The following OPLAH variants were observed in gnomAD, a reference collection of about 807,000 sequenced individuals.
OPLAH encodes the protein 5-oxoprolinase.
OPLAH carries 103 observed loss-of-function variants against 122.8 expected under a neutral mutation model. That is an observed-to-expected ratio of 0.84 (90% CI 0.71 to 0.99). The LOEUF (loss-of-function observed/expected upper bound fraction) is 0.99. Ranked by LOEUF, OPLAH falls within the 50% of genes least tolerant of loss-of-function variation. The pLI is 0.00. For synonymous variants in OPLAH, 875 were observed against 796.0 expected (o/e 1.10, Z -1.67); for missense variants, 1,902 against 1,836.5 (o/e 1.04, Z -0.65).
chr8:144,059,001 C>T lies in OPLAH; in HGVS notation c.442G>A (p.Gly148Ser). 1 of 1,575,784 alleles carries T rather than the reference C, an allele frequency of 6.3e-7. No individual in the cohort carries two copies. Among genetic ancestry groups the T allele is most frequent in the East Asian group, 2.4e-5 (1 of 42,270 alleles). ...ACACCTTTCACAGGCGTCCCGGTGC[C>T]CGCCTCTCCACGGTGCAGCACCACG... Reference protein sequence around the residue: ...ERVVLHRGEAGTGTPVKGRTG... With the variant: ...ERVVLHRGEASTGTPVKGRTG... The change falls in exon 4 of 27, where the codon GGC becomes AGC. Residue 148 changes from glycine (G) to serine (S), a missense_variant. By Grantham distance (56) the Gly-to-Ser change is moderately conservative. Transcript: ENST00000618853.
chr8:144,050,841 C>T, downstream of OPLAH: 4 of 991,774 alleles, frequency 4.0e-6, no homozygotes, highest in Non-Finnish European at 4.8e-6. Flanking sequence ...TGGCCTCCTC[C>T]CCCAAGATGC....
chr8:144,055,321 G>A lies in OPLAH; in HGVS notation c.2249-132C>T, dbSNP rs539362988. ...AACCCAGCAGCTTTTTCCTGGGGAA[G>A]ACCAAGTTGACGGTGTGCCCACTTG... On this transcript the variant is annotated intron_variant, in intron 16 of 26. Coordinates refer to ENST00000618853, the MANE Select transcript of OPLAH (RefSeq NM_017570.5). This position sits in a 1 kb window ranked among gnomAD's most constrained non-coding sequence, Gnocchi z 6.5. The A allele has an allele frequency of 1.5e-4, 144 of 943,994 alleles. No homozygotes were observed. Among genetic ancestry groups the A allele is most frequent in the Non-Finnish European group, 1.6e-4 (112 of 682,322 alleles). 58.5% of individuals were successfully genotyped at this position (943,994 alleles called of 1,614,324 possible).
Position 144,055,627 on chromosome 8 carries a change from G to A in OPLAH, c.2248+161C>T, listed in dbSNP as rs1444188817. Among the ~76,000 whole-genome samples, 1 of 152,128 alleles carries A rather than the reference G, an allele frequency of 6.6e-6. No individual in the cohort carries two copies. The highest frequency in any genetic ancestry group is 2.4e-5 in the African/African-American group (1 of 41,416). On this transcript the variant is annotated intron_variant, in intron 16 of 26. Transcript: ENST00000618853. This position sits in a 1 kb window ranked among gnomAD's most constrained non-coding sequence, Gnocchi z 6.5. ...AAGGTGTCCTCCCTGCCCAAGGTTTGTTCTCATGGCCAACTGCACCACACC... is the reference window on the plus strand; with the variant it reads ...AAGGTGTCCTCCCTGCCCAAGGTTTATTCTCATGGCCAACTGCACCACACC...
chr8:144,059,643 G>C lies in OPLAH; in HGVS notation c.319C>G (p.Leu107Val). 6.2e-7 allele frequency: 1 copy of C among 1,612,466 alleles called. No individual in the cohort carries two copies. Among genetic ancestry groups the C allele is most frequent in the Non-Finnish European group, 8.5e-7 (1 of 1,179,654 alleles). The change falls in exon 3 of 27, where the codon CTG becomes GTG. Residue 107 changes from leucine to valine, a missense_variant. Coordinates refer to ENST00000618853, the MANE Select transcript of OPLAH (RefSeq NM_017570.5). ...CGGGCTTGGGTGCCAATGTGCAGCA[G>C]GTCTCGGAAGCCACGTGTCACCAGC... is the stretch of plus-strand genomic sequence containing the variant. ...ALLVTRGFRD[L>V]LHIGTQARGD...
intron 19 of OPLAH, 38 bp from the exon 20 acceptor site, chr8:144,053,431 C>G (rs1258529951): frequency 6.4e-7 from 1 of 1,554,446 alleles, no homozygotes; most frequent in Non-Finnish European, 8.7e-7. Context: ...CCTGGCCAAC[C>G]CTGTCTGCAC....
upstream of OPLAH, among the ~76,000 whole-genome samples, chr8:144,061,652 G>T (rs1044193395): frequency 6.6e-6 from 1 of 152,238 alleles, no homozygotes; most frequent in Admixed American, 6.5e-5. Flanking sequence ...ACGGCACGAA[G>T]TTACCCTATA....
chr8:144,059,127 G>A, intron 3 of OPLAH, 48 bp from the exon 4 acceptor site: 2 of 1,465,818 alleles, frequency 1.4e-6, no homozygotes, highest in South Asian at 1.2e-5. Context: ...GAGGGTCCAG[G>A]CCGGGGTCCT....
chr8:144,051,874 G>C, intron 25 of OPLAH, 42 bp downstream of exon 25: 1 of 1,068,666 alleles, frequency 9.4e-7, no homozygotes, highest in South Asian at 1.3e-5. Context: ...CGGGGGTGGG[G>C]GCGGGGGCGG....
chr8:144,051,705 G>A (rs2129738026), intron 26 of OPLAH, 24 bp downstream of exon 26: 2 of 1,552,772 alleles, frequency 1.3e-6, no homozygotes, highest in Non-Finnish European at 1.7e-6. Flanking sequence ...AGGGGAGGGG[G>A]ACAGGACAGG....
intron 14 of OPLAH, 43 bp from the exon 15 acceptor site, chr8:144,056,302 C>A (rs1327484264): frequency 1.9e-6 from 3 of 1,596,970 alleles, no homozygotes; most frequent in Non-Finnish European, 2.6e-6. Flanking sequence ...GCCCAGCACC[C>A]TCCCCGATGC....
Position 144,057,308 on chromosome 8 carries a change from C to T in OPLAH, c.1435G>A (p.Asp479Asn). The T allele has an allele frequency of 6.2e-7, 1 of 1,611,924 alleles. No individual in the cohort carries two copies. Among genetic ancestry groups the T allele is most frequent in the Non-Finnish European group, 8.5e-7 (1 of 1,179,552 alleles). ...CAGGCCAGCACATGGGCTGAGGGGT[C>T]ATGGCCTCTTGCCTAGGGAGACAGA... ...IRALTQARGHDPSAHVLACFG... is the reference protein window; with the variant it reads ...IRALTQARGHNPSAHVLACFG... The change falls in exon 11 of 27, where the codon GAC becomes AAC. Residue 479 changes from aspartate to asparagine, a missense_variant. Asp to Asn is a conservative substitution (Grantham distance 23). Coordinates refer to ENST00000618853, the MANE Select transcript of OPLAH (RefSeq NM_017570.5).
At position 144,057,198 on chromosome 8, in the gene OPLAH, C is replaced by T; in HGVS notation, c.1535+10G>A. 6.2e-7 allele frequency: 1 copy of T among 1,609,944 alleles called. No individual in the cohort carries two copies. Among genetic ancestry groups the T allele is most frequent in the Non-Finnish European group, 8.5e-7 (1 of 1,178,724 alleles). ...TCACACCACCTCCGTGCACCCACAC[C>T]CAGGCCCACCTGTGGATGTGCACCG... On this transcript the variant is annotated intron_variant, in intron 11 of 26. Transcript: ENST00000618853.
In OPLAH at chr8:144,058,168, G is replaced by T; in HGVS notation, c.950-20C>A. On this transcript the variant is annotated intron_variant, in intron 7 of 26. Coordinates refer to ENST00000618853, the MANE Select transcript of OPLAH (RefSeq NM_017570.5). The stretch of plus-strand genomic sequence containing the variant: ...ACGTGCCTGGCAGGGGTGGGGTGCT[G>T]GTGGGTCACTTGAAGACCCAGGGGC... The T allele has an allele frequency of 6.2e-7, 1 of 1,611,506 alleles. No homozygotes were observed. Among genetic ancestry groups the T allele is most frequent in the Non-Finnish European group, 8.5e-7 (1 of 1,179,254 alleles).
upstream of OPLAH, among the ~76,000 whole-genome samples, chr8:144,060,960 G>A (rs1292911603): frequency 6.6e-6 from 1 of 152,368 alleles, no homozygotes; most frequent in Non-Finnish European, 1.5e-5. Flanking sequence ...CCTGGGCAAG[G>A]GGAGCTGGCA....
chr8:144,051,858 C>CAGGGGCGGGGGT (rs1564287298), intron 25 of OPLAH, 32 bp from the exon 26 acceptor site: 9 of 693,026 alleles, frequency 1.3e-5, no homozygotes, highest in East Asian at 1.1e-4. Flanking sequence ...CCAGAGAGAC[C>CAGGGGCGGGGGT]AGGGGCGGGG....
Position 144,051,931 on chromosome 8 carries a change from G to C in OPLAH, c.3607C>G (p.Pro1203Ala), listed in dbSNP as rs782813151. 2.6e-6 allele frequency: 4 copies of C among 1,538,670 alleles called. No individual in the cohort carries two copies. ...AACCGCGCACCGTGGAGCCCGTATG[G>C]CCGGAAGGCGCGGCGCTCGGTCAGC... The part of the protein sequence containing the change: ...SVLTERRAFR[P>A]YGLHGGEPGA... Residue 1203 changes from proline (P) to alanine (A), a missense_variant, in exon 25 of 27, where the codon CCA becomes GCA. Pro to Ala is a conservative substitution (Grantham distance 27). This residue lies in a region of OPLAH where 1,726 missense variants were observed against 1,642.1 expected (regional missense o/e 1.05). Coordinates refer to ENST00000618853, the MANE Select transcript of OPLAH (RefSeq NM_017570.5).
In OPLAH at chr8:144,052,514, C is replaced by T; in HGVS notation, c.3238G>A (p.Val1080Met). ...SPEAAVVGGN[V>M]LTSQRVVDVI... ...TCCACCACGCGCTGCGACGTGAGCA[C>T]GTTGCCGCCCACCACCGCCGCCTCG... The change falls in exon 23 of 27, where the codon GTG (valine) becomes ATG (methionine). Residue 1080 changes from valine to methionine, a missense_variant. This residue lies in a region of OPLAH where 1,726 missense variants were observed against 1,642.1 expected (regional missense o/e 1.05). Coordinates refer to ENST00000618853, the MANE Select transcript of OPLAH (RefSeq NM_017570.5). The T allele has an allele frequency of 6.3e-7, 1 of 1,582,144 alleles. No homozygotes were observed. Among genetic ancestry groups the T allele is most frequent in the Non-Finnish European group, 8.5e-7 (1 of 1,170,948 alleles).
chr8:144,059,326 G>C (rs782522235), intron 3 of OPLAH, among the ~76,000 whole-genome samples: 1 of 152,332 alleles, frequency 6.6e-6, no homozygotes, highest in Non-Finnish European at 1.5e-5. Context: ...CAGTAGGTGC[G>C]GGGTTCCACC....
chr8:144,062,213 C>T (rs1835675248), upstream of OPLAH, among the ~76,000 whole-genome samples: 1 of 152,112 alleles, frequency 6.6e-6, no homozygotes, highest in Non-Finnish European at 1.5e-5. Context: ...AACATTTGTG[C>T]CAAGGGCAGT....
Sources: gnomAD v4.1 joint callset for allele counts (sites outside exome capture counted in the v4.1 genomes callset) on GRCh38, gnomAD v4.1.1 for gene constraint, gnomAD v4.1.1 regional missense constraint, Gnocchi (gnomAD v3.1) non-coding constraint, MANE v1.5 for transcripts, NCBI Gene and HGNC (gene_info 2026-07-23, HGNC 2026-07-21) for gene names.